Variants in GPD2 observed in about 807,000 individuals in gnomAD.
The protein encoded by GPD2 is glycerol-3-phosphate dehydrogenase, mitochondrial.
A neutral mutation model predicts 82.4 loss-of-function variants in GPD2; 54 were observed. The ratio of observed to expected loss-of-function variants is 0.66; its 90% CI spans 0.53 to 0.82. The LOEUF (loss-of-function observed/expected upper bound fraction) is 0.82. GPD2 is among the 40% of genes least tolerant of loss of function. The probability of loss-of-function intolerance (pLI) is 0.00; values close to 1 mark genes in which losing one functional copy is unlikely to be tolerated. For synonymous variants in GPD2, 288 were observed against 306.1 expected, an observed-to-expected ratio of 0.94 and a Z score of 0.62; for missense variants, 748 against 896.2, an observed-to-expected ratio of 0.83 and a Z score of 2.11.
chr2:156,525,210 C>T (rs1371761721), intron 6 of GPD2, among the ~76,000 whole-genome samples: 4 of 152,182 alleles, frequency 2.6e-5, no homozygotes, highest in African/African-American at 9.7e-5. Context: ...TTGATAGATA[C>T]ATGTCAATCC....
At chr2:156,553,808 T>C (rs1686858843) in intron 8 of GPD2, among the ~76,000 whole-genome samples, 1 of 152,212 alleles carries the variant, frequency 6.6e-6, no homozygotes, top group Non-Finnish European at 1.5e-5. Flanking sequence ...AAGGTATATA[T>C]TACCCAGAAG....
At position 156,529,317 on chromosome 2, in the gene GPD2, C is replaced by T. The variant is rs538498754; in HGVS notation, c.661+15821C>T. On this transcript the variant is annotated intron_variant, in intron 6 of 16. Coordinates refer to ENST00000438166, the MANE Select transcript of GPD2 (RefSeq NM_000408.5). ...TTTTTCTTGTAAATTTGTTTGAGTT[C>T]ATTGTAGATTCTGGATATTAGCCCT... Among the ~76,000 whole-genome samples, 9 of 146,540 alleles carry T rather than the reference C, an allele frequency of 6.1e-5. No individual in the cohort carries two copies. In the South Asian group the frequency reaches 2.0e-3, roughly 33 times the overall value.
At chr2:156,437,352 T>C (rs1452222994) in intron 1 of GPD2, among the ~76,000 whole-genome samples, 1 of 152,192 alleles carries the variant, frequency 6.6e-6, no homozygotes, top group East Asian at 1.9e-4. Flanking sequence ...AAGTTTCTTT[T>C]TGGCGTGTGG....
chr2:156,491,804 C>T (rs1191247947), intron 2 of GPD2, among the ~76,000 whole-genome samples: 4 of 151,944 alleles, frequency 2.6e-5, no homozygotes, highest in Admixed American at 1.3e-4. Flanking sequence ...TGGTGGATCA[C>T]GAGGGCAGGA....
At chr2:156,413,676 G>A in the GPD2 span, among the ~76,000 whole-genome samples, 2 of 151,904 alleles carry the variant, frequency 1.3e-5, no homozygotes, top group African/African-American at 4.8e-5. Flanking sequence ...AGGCAGAGGT[G>A]GGCGGATCAC....
At chr2:156,478,219 C>A (rs1007913803) in intron 2 of GPD2, among the ~76,000 whole-genome samples, 4 of 152,096 alleles carry the variant, frequency 2.6e-5, no homozygotes, top group Non-Finnish European at 5.9e-5. Context: ...AAAATAAAGA[C>A]CTATTGATTC....
rs60361072 is a variant in GPD2, at chr2:156,509,765, CTTTTTTT to C, written c.275-1018_275-1012del. ...CTTTCCTTATCAAGAATATGTTCTT[CTTTTTTT>C]TTTTTTTTTTTTATTTCCTGAGATG... On this transcript the variant is annotated intron_variant, in intron 3 of 16. Transcript: ENST00000438166. 3.4e-5 allele frequency among the ~76,000 whole-genome samples: 4 copies of C among 117,382 alleles called. 1 individual carries two copies. The highest frequency in any genetic ancestry group is 1.3e-4 in the African/African-American group (4 of 30,400). 77.0% of individuals were successfully genotyped at this position (117,382 alleles called of 152,430 possible).
At chr2:156,537,313 C>T (rs762316351) in intron 6 of GPD2, among the ~76,000 whole-genome samples, 8 of 152,156 alleles carry the variant, frequency 5.3e-5, no homozygotes, top group Non-Finnish European at 1.2e-4. Context: ...GGCAAGGGCA[C>T]CTTGACTGTC....
intron 6 of GPD2, among the ~76,000 whole-genome samples, chr2:156,519,802 C>T: frequency 6.6e-6 from 1 of 152,214 alleles, no homozygotes; most frequent in Non-Finnish European, 1.5e-5. Flanking sequence ...GTGCCTGGGC[C>T]AGGGTGAGTG....
chr2:156,433,234 T>G (rs1180629092), upstream of GPD2, among the ~76,000 whole-genome samples: 1 of 152,162 alleles, frequency 6.6e-6, no homozygotes, highest in African/African-American at 2.4e-5. Flanking sequence ...CAGACCTCCC[T>G]CTTGCCTGGG....
chr2:156,421,559 A>C, the GPD2 span, among the ~76,000 whole-genome samples: 1 of 152,142 alleles, frequency 6.6e-6, no homozygotes, highest in Non-Finnish European at 1.5e-5. Flanking sequence ...TCTGCTAAAG[A>C]GTTGAATGAA....
intron 6 of GPD2, among the ~76,000 whole-genome samples, chr2:156,548,531 C>G (rs759048619): frequency 1.1e-3 from 165 of 152,140 alleles, no homozygotes; most frequent in Non-Finnish European, 3.8e-4. Flanking sequence ...AATCTTCAGT[C>G]ATTGATTCTC....
the GPD2 span, among the ~76,000 whole-genome samples, chr2:156,426,212 C>T: frequency 6.6e-6 from 1 of 152,212 alleles, no homozygotes; most frequent in Non-Finnish European, 1.5e-5. Context: ...CGTGAGCCAC[C>T]ACGCCCGGCC....
chr2:156,521,456 A>G (rs553156687), intron 6 of GPD2, among the ~76,000 whole-genome samples: 1 of 152,312 alleles, frequency 6.6e-6, no homozygotes, highest in South Asian at 2.1e-4. Context: ...ATTTAAATGA[A>G]CTACTATAAT....
chr2:156,574,545 C>G (rs1383331797), intron 13 of GPD2, among the ~76,000 whole-genome samples: 3 of 151,708 alleles, frequency 2.0e-5, no homozygotes, highest in Non-Finnish European at 4.4e-5. Context: ...CATTCAGAGA[C>G]TATAAAGAGA....
At chr2:156,577,781 A>G (rs184469687) in intron 13 of GPD2, among the ~76,000 whole-genome samples, 16 of 152,308 alleles carry the variant, frequency 1.1e-4, no homozygotes, top group Admixed American at 9.8e-4. Context: ...CTCACATTAC[A>G]TGAAGGCTGC....
intron 2 of GPD2, among the ~76,000 whole-genome samples, chr2:156,481,044 C>CA (rs1257750324): frequency 2.0e-5 from 3 of 151,856 alleles, no homozygotes; most frequent in African/African-American, 7.3e-5. Flanking sequence ...AGCAACGGAA[C>CA]AAAAAGGCCA....
At chr2:156,400,801 C>A in the GPD2 span, among the ~76,000 whole-genome samples, 4 of 152,184 alleles carry the variant, frequency 2.6e-5, no homozygotes, top group African/African-American at 4.8e-5. Flanking sequence ...GCGCGCGCTT[C>A]GCATGTGTGA....
chr2:156,521,450 A>C (rs1685404381), intron 6 of GPD2, among the ~76,000 whole-genome samples: 1 of 152,234 alleles, frequency 6.6e-6, no homozygotes, highest in Non-Finnish European at 1.5e-5. Flanking sequence ...TTTGATATTT[A>C]AATGAACTAC....
Sources: allele counts gnomAD v4.1 joint callset (sites outside exome capture counted in the v4.1 genomes callset), GRCh38; gene constraint gnomAD v4.1.1; transcripts MANE v1.5; gene names NCBI Gene and HGNC (gene_info 2026-07-23, HGNC 2026-07-21).